Variants in CDH13 observed in about 807,000 individuals in gnomAD.
The protein encoded by CDH13 is cadherin-13.
CDH13 carries 24 observed loss-of-function variants against 63.8 expected under a neutral mutation model. The observed-to-expected ratio is 0.38, with a 90% CI of 0.27 to 0.53. The LOEUF (loss-of-function observed/expected upper bound fraction) is 0.53, where lower values mean the gene tolerates loss of function less well. CDH13 is among the 20% of genes least tolerant of loss of function. The pLI is 0.85. For missense variants in CDH13, 1,049 were observed against 903.1 expected, an observed-to-expected ratio of 1.16 and a Z score of -2.07; for synonymous variants, 503 against 355.3, an observed-to-expected ratio of 1.42 and a Z score of -4.67.
intron 5 of CDH13, among the ~76,000 whole-genome samples, chr16:83,270,907 C>T (rs1377183343): frequency 3.0e-5 from 4 of 135,544 alleles, no homozygotes; most frequent in African/African-American, 1.1e-4. Flanking sequence ...TCCCTCCTTT[C>T]CTTCCTCCCT....
chr16:83,680,419 A>G (rs556625459), intron 10 of CDH13, among the ~76,000 whole-genome samples: 2 of 152,242 alleles, frequency 1.3e-5, no homozygotes, highest in African/African-American at 4.8e-5. Flanking sequence ...TACTGCTGGG[A>G]GTATGGAGGC....
intron 1 of CDH13, among the ~76,000 whole-genome samples, chr16:82,645,667 T>G (rs1044489322): frequency 1.3e-5 from 2 of 152,180 alleles, no homozygotes; most frequent in African/African-American, 4.8e-5. Context: ...ATTTTTATCC[T>G]TATCTTATCC....
intron 6 of CDH13, among the ~76,000 whole-genome samples, chr16:83,392,740 G>A (rs1169078971): frequency 6.6e-6 from 1 of 152,162 alleles, no homozygotes; most frequent in Non-Finnish European, 1.5e-5. Context: ...GCACGAGGCA[G>A]AATCACAGTG....
chr16:83,660,156 G>T (rs1260397888), intron 8 of CDH13, among the ~76,000 whole-genome samples: 3 of 152,082 alleles, frequency 2.0e-5, no homozygotes, highest in African/African-American at 7.2e-5. Flanking sequence ...CAGGATTGCG[G>T]GGATGGTCTT....
At chr16:83,675,818 A>AT (rs1351225276) in intron 9 of CDH13, among the ~76,000 whole-genome samples, 2 of 152,214 alleles carry the variant, frequency 1.3e-5, no homozygotes, top group Non-Finnish European at 2.9e-5. Flanking sequence ...AGAATGTTAG[A>AT]TTTTTGCACA....
chr16:83,170,840 G>A (rs1410766070), intron 4 of CDH13, among the ~76,000 whole-genome samples: 1 of 152,082 alleles, frequency 6.6e-6, no homozygotes, highest in Non-Finnish European at 1.5e-5. Flanking sequence ...TTCAACATGA[G>A]TGACCCTTCT....
intron 5 of CDH13, among the ~76,000 whole-genome samples, chr16:83,332,531 G>C (rs2090501890): frequency 6.6e-6 from 1 of 152,028 alleles, no homozygotes. Flanking sequence ...AAGGAAAAAG[G>C]GCACGTAAAA....
rs546647804 is a variant in CDH13 at position 83,798,816 on chromosome 16, G to C, written c.*3786G>C. 1.3e-5 allele frequency: 2 copies of C among 151,700 alleles called. No individual in the cohort carries two copies. Among genetic ancestry groups the C allele is most frequent in the Non-Finnish European group, 2.9e-5 (2 of 67,990 alleles). The allele number at this position is 151,700 out of a possible 1,614,324, so 9.4% of individuals were successfully genotyped here. A position where few individuals can be genotyped will look rare whatever the true frequency, so the allele number is the denominator to read the frequency against. ...GTACCTTTTACTAACAGTATCTTCT[G>C]TTACCTATTATTAAGTTCATGCTAT... is the stretch of plus-strand genomic sequence containing the variant. On this transcript the variant is annotated 3_prime_UTR_variant, in exon 14 of 14. Transcript: ENST00000567109.
intron 3 of CDH13, among the ~76,000 whole-genome samples, chr16:83,053,470 G>T (rs1231217653): frequency 1.3e-5 from 2 of 152,146 alleles, no homozygotes; most frequent in African/African-American, 4.8e-5. Flanking sequence ...TCAAGGTAAA[G>T]TGAAGTATAG....
intron 7 of CDH13, among the ~76,000 whole-genome samples, chr16:83,578,749 G>C (rs1385993323): frequency 1.1e-4 from 17 of 152,188 alleles, no homozygotes; most frequent in Admixed American, 9.2e-4. Context: ...GCAATAGTTA[G>C]CACAATAGGA....
intron 4 of CDH13, among the ~76,000 whole-genome samples, chr16:83,170,221 G>A (rs1442741829): frequency 1.3e-5 from 2 of 151,950 alleles, no homozygotes; most frequent in Non-Finnish European, 2.9e-5. Context: ...ATACACACAG[G>A]TTTCAGAACT....
At chr16:82,741,051 T>C (rs904937510) in intron 1 of CDH13, among the ~76,000 whole-genome samples, 5 of 152,144 alleles carry the variant, frequency 3.3e-5, no homozygotes, top group Admixed American at 6.5e-5. Flanking sequence ...CTAGTATACA[T>C]ACTCTCTCAC....
chr16:83,069,318 T>G (rs145918465), intron 3 of CDH13, among the ~76,000 whole-genome samples: 1 of 152,298 alleles, frequency 6.6e-6, no homozygotes, highest in African/African-American at 2.4e-5. Flanking sequence ...AGTGGAAATG[T>G]GAGTTTCAGA....
intron 1 of CDH13, among the ~76,000 whole-genome samples, chr16:82,789,972 C>G (rs2036214665): frequency 6.6e-6 from 1 of 152,172 alleles, no homozygotes; most frequent in East Asian, 1.9e-4. Context: ...GCCCCCATCT[C>G]TGTCTATTGG....
intron 4 of CDH13, among the ~76,000 whole-genome samples, chr16:83,176,695 C>A (rs2038138214): frequency 6.6e-6 from 1 of 151,942 alleles, no homozygotes. Flanking sequence ...GAATTACTGT[C>A]TTAAAAGGGG....
chr16:83,466,062 C>A (rs193040585), intron 6 of CDH13, among the ~76,000 whole-genome samples: 1 of 152,170 alleles, frequency 6.6e-6, no homozygotes, highest in Admixed American at 6.5e-5. Context: ...TGTGGTCTCT[C>A]GAGGCAGGAC....
At chr16:83,395,147 C>A (rs1191164215) in intron 6 of CDH13, among the ~76,000 whole-genome samples, 61 of 106,682 alleles carry the variant, frequency 5.7e-4, no homozygotes, top group South Asian at 7.1e-4. Context: ...GACTCCATCT[C>A]AAAAAAAAAA....
chr16:83,686,182 T>C (rs1316054355), intron 10 of CDH13, among the ~76,000 whole-genome samples: 2 of 152,238 alleles, frequency 1.3e-5, no homozygotes, highest in Non-Finnish European at 2.9e-5. Context: ...CTGCGCCTAC[T>C]GCTGATGTTG....
chr16:83,774,128 A>G (rs1914947129), intron 11 of CDH13, among the ~76,000 whole-genome samples: 1 of 152,202 alleles, frequency 6.6e-6, no homozygotes, highest in Admixed American at 6.5e-5. Flanking sequence ...TCCTACAGAA[A>G]TAGTAAATGC....
Sources: allele counts gnomAD v4.1 joint callset (sites outside exome capture counted in the v4.1 genomes callset), GRCh38; gene constraint gnomAD v4.1.1; transcripts MANE v1.5; gene names NCBI Gene and HGNC (gene_info 2026-07-23, HGNC 2026-07-21).